The following EXOC2 variants were observed in gnomAD, a reference collection of about 807,000 sequenced individuals.
The protein encoded by EXOC2 is exocyst complex component 2.
Under a neutral mutation model 131.8 loss-of-function variants are expected in EXOC2, and 70 were observed. The observed-to-expected ratio is 0.53, with a 90% CI of 0.44 to 0.65. The LOEUF (loss-of-function observed/expected upper bound fraction) is 0.65. Among genes scored for constraint, EXOC2 ranks in the 30% least tolerant of loss-of-function variants. EXOC2 has a pLI of 0.00. For synonymous variants in EXOC2, 411 were observed against 398.4 expected, an observed-to-expected ratio of 1.03 and a Z score of -0.38; for missense variants, 923 against 1,108.6, an observed-to-expected ratio of 0.83 and a Z score of 2.38.
chr6:566,665 C>A (rs551280742), intron 13 of EXOC2, among the ~76,000 whole-genome samples: 2 of 151,574 alleles, frequency 1.3e-5, no homozygotes, highest in Non-Finnish European at 2.9e-5. Context: ...CTACATGTTG[C>A]AGTTTGTTAG....
At chr6:665,745 T>G (rs2127767475) in intron 1 of EXOC2, among the ~76,000 whole-genome samples, 1 of 150,060 alleles carries the variant, frequency 6.7e-6, no homozygotes, top group Non-Finnish European at 1.5e-5. Context: ...TGCAAAGGCA[T>G]GAGAATGATA....
chr6:540,993 G>A (rs946944329), intron 22 of EXOC2, among the ~76,000 whole-genome samples: 86 of 152,162 alleles, frequency 5.7e-4, no homozygotes, highest in African/African-American at 2.0e-3. Flanking sequence ...CCACAAACCC[G>A]ATGTAATAGA....
At chr6:515,659 G>A (rs370182260) in intron 23 of EXOC2, among the ~76,000 whole-genome samples, 8 of 149,692 alleles carry the variant, frequency 5.3e-5, no homozygotes, top group Non-Finnish European at 7.4e-5. Context: ...CAGCTGGGGC[G>A]GTCCTAGGAG....
chr6:686,727 T>C (rs769125456), intron 1 of EXOC2, among the ~76,000 whole-genome samples: 4 of 152,362 alleles, frequency 2.6e-5, no homozygotes, highest in South Asian at 2.1e-4. Flanking sequence ...GCCCTCTGCC[T>C]TAGCATGCCA....
intron 2 of EXOC2, among the ~76,000 whole-genome samples, chr6:635,802 C>T (rs983683246): frequency 3.9e-5 from 6 of 152,258 alleles, no homozygotes; most frequent in African/African-American, 1.4e-4. Context: ...GCGGCGCACG[C>T]CTGTAATGCC....
intron 13 of EXOC2, among the ~76,000 whole-genome samples, chr6:566,765 C>T (rs1460464465): frequency 6.6e-6 from 1 of 152,090 alleles, no homozygotes; most frequent in Middle Eastern, 3.2e-3. Context: ...TAATGCCTTC[C>T]AAAGTCTATC....
intron 1 of EXOC2, among the ~76,000 whole-genome samples, chr6:678,135 C>T (rs765759533): frequency 1.3e-5 from 2 of 152,116 alleles, no homozygotes; most frequent in African/African-American, 2.4e-5. Flanking sequence ...AGTGGATTGA[C>T]CAATATGGGG....
intron 1 of EXOC2, among the ~76,000 whole-genome samples, chr6:658,834 G>A (rs1763284455): frequency 6.6e-6 from 1 of 151,288 alleles, no homozygotes; most frequent in Non-Finnish European, 1.5e-5. Context: ...GCTAATTTTT[G>A]TATTTTTAGT....
At chr6:509,011 A>G (rs766319892) in intron 23 of EXOC2, among the ~76,000 whole-genome samples, 3 of 152,178 alleles carry the variant, frequency 2.0e-5, no homozygotes, top group African/African-American at 7.2e-5. Flanking sequence ...TTTAATTTGC[A>G]ATTCCCTAAT....
At chr6:502,950 C>T (rs1375884808) in intron 23 of EXOC2, among the ~76,000 whole-genome samples, 2 of 152,204 alleles carry the variant, frequency 1.3e-5, no homozygotes, top group African/African-American at 4.8e-5. Context: ...TCAAACCACA[C>T]ATCAGGCCAG....
intron 23 of EXOC2, among the ~76,000 whole-genome samples, chr6:505,873 T>A (rs975139853): frequency 1.2e-4 from 18 of 152,242 alleles, no homozygotes; most frequent in Non-Finnish European, 2.4e-4. Flanking sequence ...ACCATGTCTG[T>A]CTTGCTCACT....
At chr6:536,164 C>A (rs1766431456) in intron 22 of EXOC2, among the ~76,000 whole-genome samples, 1 of 152,090 alleles carries the variant, frequency 6.6e-6, no homozygotes. Context: ...AGGTCCTAGT[C>A]CATGAGATCT....
chr6:520,864 GA>G (rs1765388398), intron 23 of EXOC2, among the ~76,000 whole-genome samples: 1 of 142,644 alleles, frequency 7.0e-6, no homozygotes, highest in African/African-American at 2.7e-5. Context: ...ACTCGTAGAT[GA>G]AAACCACCAC....
At chr6:487,816 T>C (rs992160154) in intron 27 of EXOC2, among the ~76,000 whole-genome samples, 1 of 152,212 alleles carries the variant, frequency 6.6e-6, no homozygotes, top group Non-Finnish European at 1.5e-5. Flanking sequence ...TTTCACGGTT[T>C]AACAATGTTC....
intron 11 of EXOC2, among the ~76,000 whole-genome samples, chr6:590,377 C>A (rs1395216433): frequency 6.6e-6 from 1 of 152,100 alleles, no homozygotes; most frequent in Non-Finnish European, 1.5e-5. Context: ...AAATACCAAG[C>A]ATAGAAAAAA....
At chr6:676,945 A>T (rs137970131) in intron 1 of EXOC2, among the ~76,000 whole-genome samples, 1 of 27,822 alleles carries the variant, frequency 3.6e-5, no homozygotes, top group South Asian at 1.2e-3. Flanking sequence ...GGTTCCTCTG[A>T]AGACTCTGCG....
chr6:561,131 C>A (rs1427291632), intron 17 of EXOC2, among the ~76,000 whole-genome samples: 1 of 152,160 alleles, frequency 6.6e-6, no homozygotes, highest in Non-Finnish European at 1.5e-5. Context: ...CATTGCTTTT[C>A]TAAATCACCT....
chr6:569,490 C>T (rs988581885), intron 13 of EXOC2, among the ~76,000 whole-genome samples: 3 of 152,274 alleles, frequency 2.0e-5, no homozygotes, highest in Admixed American at 6.5e-5. Context: ...TAAGAAAATT[C>T]AAATAAATTG....
chr6:677,365 G>A (rs1764194380), intron 1 of EXOC2, among the ~76,000 whole-genome samples: 1 of 152,220 alleles, frequency 6.6e-6, no homozygotes. Flanking sequence ...TAGCATTTGA[G>A]GTGGTATATG....
Sources: gnomAD v4.1 joint callset for allele counts (sites outside exome capture counted in the v4.1 genomes callset) on GRCh38, gnomAD v4.1.1 for gene constraint, MANE v1.5 for transcripts, NCBI Gene and HGNC (gene_info 2026-07-23, HGNC 2026-07-21) for gene names.